Variants in AACS observed in about 807,000 individuals in gnomAD.
The protein encoded by AACS is acetoacetate-CoA ligase.
A neutral mutation model predicts 83.1 loss-of-function variants in AACS; 69 were observed. The observed-to-expected ratio is 0.83, with a 90% CI of 0.68 to 1.01. The LOEUF (loss-of-function observed/expected upper bound fraction) is 1.01, where lower values mean the gene tolerates loss of function less well. Among genes scored for constraint, AACS ranks in the 50% least tolerant of loss-of-function variants. The probability of loss-of-function intolerance (pLI) is 0.00; values close to 1 mark genes in which losing one functional copy is unlikely to be tolerated. For synonymous variants in AACS, 333 were observed against 343.4 expected, an observed-to-expected ratio of 0.97 and a Z score of 0.33; for missense variants, 866 against 882.2, an observed-to-expected ratio of 0.98 and a Z score of 0.23.
chr12:125,128,188 T>C lies in AACS; in HGVS notation c.1337T>C (p.Met446Thr). 6.2e-7 allele frequency: 1 copy of C among 1,612,590 alleles called. No homozygotes were observed. Among genetic ancestry groups the C allele is most frequent in the East Asian group, 2.2e-5 (1 of 44,844 alleles). Reference sequence around the variant, plus strand: ...GGCACCGACATCATCTCCTGCTTCATGGGCCACAATTTTTCTCTTCCTGTG... The same window carrying C: ...GGCACCGACATCATCTCCTGCTTCACGGGCCACAATTTTTCTCTTCCTGTG... ...SGGTDIISCF[M>T]GHNFSLPVYK... The change falls in exon 13 of 18, where the codon ATG becomes ACG. Residue 446 changes from methionine (M) to threonine (T), a missense_variant. Transcript: ENST00000316519.
At chr12:125,119,897 CAGG>C (rs1957124186) in intron 10 of AACS, 1 of 152,254 alleles carries the variant, frequency 6.6e-6, no homozygotes, top group Non-Finnish European at 1.5e-5. Flanking sequence ...AGCCCATTGG[CAGG>C]AGGAGAACCC....
intron 14 of AACS, among the ~76,000 whole-genome samples, chr12:125,131,106 G>C (rs1482850943): frequency 3.3e-5 from 5 of 152,190 alleles, no homozygotes; most frequent in Non-Finnish European, 7.3e-5. Flanking sequence ...AATGATGCCA[G>C]GTGAAAATGT....
At chr12:125,138,133 G>A (rs866724667) in intron 17 of AACS, 2 of 152,486 alleles carry the variant, frequency 1.3e-5, no homozygotes, top group African/African-American at 2.4e-5. Context: ...ACTCCTACTC[G>A]GGACCCTGTT....
At chr12:125,099,685 TTTTG>T (rs970497119) in intron 5 of AACS, among the ~76,000 whole-genome samples, 8 of 152,144 alleles carry the variant, frequency 5.3e-5, no homozygotes, top group East Asian at 1.9e-4. Context: ...AGGTTTCCTT[TTTTG>T]TTTGTTTGTT....
chr12:125,111,064 G>T (rs780994241), intron 8 of AACS, among the ~76,000 whole-genome samples: 2 of 152,192 alleles, frequency 1.3e-5, no homozygotes, highest in Non-Finnish European at 2.9e-5. Flanking sequence ...GGTCAGGGGT[G>T]GGGGGCAAAG....
At chr12:125,090,132 A>C in intron 4 of AACS, among the ~76,000 whole-genome samples, 1 of 5,410 alleles carries the variant, frequency 1.8e-4, no homozygotes, top group Non-Finnish European at 4.5e-4. Flanking sequence ...TCCATTTATC[A>C]TCCATCACCA....
chr12:125,080,052 A>G (rs1386502028), intron 3 of AACS, among the ~76,000 whole-genome samples: 1 of 152,170 alleles, frequency 6.6e-6, no homozygotes, highest in African/African-American at 2.4e-5. Flanking sequence ...TTTATGTCCT[A>G]GTAATCTGCC....
intron 17 of AACS, chr12:125,139,345 G>A (rs1957446351): frequency 1.3e-5 from 2 of 152,422 alleles, no homozygotes; most frequent in South Asian, 4.1e-4. Flanking sequence ...GGCCGGCGTA[G>A]TCCTTGCCGC....
At chr12:125,131,814 G>T (rs771321002) in intron 14 of AACS, among the ~76,000 whole-genome samples, 2 of 152,194 alleles carry the variant, frequency 1.3e-5, no homozygotes, top group Non-Finnish European at 2.9e-5. Flanking sequence ...AGCCAGGCTG[G>T]TCTCAAACTC....
chr12:125,079,824 C>A (rs1476600421), intron 3 of AACS, among the ~76,000 whole-genome samples: 1 of 152,134 alleles, frequency 6.6e-6, no homozygotes, highest in Non-Finnish European at 1.5e-5. Context: ...TTCCATTTTC[C>A]GAAAGGAAAC....
At chr12:125,089,199 A>T (rs537844067) in intron 4 of AACS, among the ~76,000 whole-genome samples, 2 of 152,336 alleles carry the variant, frequency 1.3e-5, no homozygotes. Flanking sequence ...AACTCAGCCA[A>T]CACCAACCAT....
chr12:125,102,472 A>AT (rs994399788), intron 5 of AACS: 11,253 of 433,830 alleles, frequency 0.026, no homozygotes, highest in South Asian at 0.041. Context: ...GGTTTTTGCC[A>AT]TTTTTTTTTT....
chr12:125,136,897 A>C, intron 17 of AACS, 33 bp downstream of exon 17: 1 of 1,604,914 alleles, frequency 6.2e-7, no homozygotes, highest in Non-Finnish European at 8.5e-7. Context: ...AGGAGACCGC[A>C]GCCATCGCCC....
At chr12:125,117,021 C>T (rs1027417122) in intron 9 of AACS, among the ~76,000 whole-genome samples, 3 of 152,124 alleles carry the variant, frequency 2.0e-5, no homozygotes, top group South Asian at 4.1e-4. Context: ...TGGCTCACTG[C>T]AGCCTCCAAC....
intron 14 of AACS, 78 bp from the exon 15 acceptor site, chr12:125,133,925 T>C: frequency 6.8e-7 from 1 of 1,469,398 alleles, no homozygotes; most frequent in East Asian, 2.3e-5. Flanking sequence ...TCTGCGGACC[T>C]ACACCCAGCG....
chr12:125,101,341 G>A (rs1956703388), intron 5 of AACS: 1 of 152,272 alleles, frequency 6.6e-6, no homozygotes, highest in Non-Finnish European at 1.5e-5. Context: ...CAGTGCCCTT[G>A]GCTGGACTGC....
rs905264219 is a variant in AACS at position 125,130,269 on chromosome 12, A to G, written c.1549+809A>G. Among the ~76,000 whole-genome samples, 3 of 152,222 alleles carry G rather than the reference A, an allele frequency of 2.0e-5. No individual in the cohort carries two copies. The highest frequency in any genetic ancestry group is 7.2e-5 in the African/African-American group (3 of 41,460). On this transcript the variant is annotated intron_variant, in intron 14 of 17. Transcript: ENST00000316519. The surrounding 1 kb of genome is among the most constrained non-coding windows in gnomAD (Gnocchi z 4.9). ...GTGTTTGCGTTTCACCGTTAAAGCC[A>G]TTGTGCCTGGAATAGTGCCTTCCTG...
chr12:125,086,263 A>G (rs1182219358), intron 3 of AACS, 67 bp from the exon 4 acceptor site: 4 of 1,368,918 alleles, frequency 2.9e-6, no homozygotes, highest in Non-Finnish European at 4.1e-6. Flanking sequence ...TTTTTCATTC[A>G]GTGTCTGGCT....
intron 12 of AACS, 162 bp downstream of exon 12, chr12:125,125,186 C>G: frequency 8.8e-7 from 1 of 1,130,940 alleles, no homozygotes. Flanking sequence ...TCCACGAAGT[C>G]ACTGTGAACA....
Sources: allele counts gnomAD v4.1 joint callset (sites outside exome capture counted in the v4.1 genomes callset), GRCh38; gene constraint gnomAD v4.1.1; non-coding constraint Gnocchi (gnomAD v3.1); transcripts MANE v1.5; gene names NCBI Gene and HGNC (gene_info 2026-07-23, HGNC 2026-07-21).